CFAP99: variants seen among roughly 807,000 people sequenced by gnomAD.
The protein encoded by CFAP99 is cilia- and flagella-associated protein 99.
Under a neutral mutation model 82.7 loss-of-function variants are expected in CFAP99, and 84 were observed. The observed-to-expected ratio is 1.02, with a 90% CI of 0.85 to 1.22. CFAP99 has a LOEUF of 1.22. Among genes scored for constraint, CFAP99 ranks in the 50% most tolerant of loss-of-function variants. The pLI, the probability that CFAP99 is intolerant of heterozygous loss-of-function variation, is 0.00. For synonymous variants in CFAP99, 456 were observed against 429.5 expected (o/e 1.06, Z -0.76); for missense variants, 1,059 against 983.5 (o/e 1.08, Z -1.03).
chr4:2,437,948 T>C (rs1380121037), intron 3 of CFAP99, 122 bp from the exon 4 acceptor site: 2 of 602,308 alleles, frequency 3.3e-6, no homozygotes, highest in East Asian at 5.8e-5. Flanking sequence ...TGGGCACCAA[T>C]AGGGTGGGGG....
chr4:2,441,476 CCCAAAGCG>C (rs1307530288), intron 4 of CFAP99, among the ~76,000 whole-genome samples: 5 of 152,168 alleles, frequency 3.3e-5, no homozygotes, highest in African/African-American at 1.2e-4. Flanking sequence ...CCTGCAGAGC[CCCAAAGCG>C]CCAGCCCAGG....
intron 7 of CFAP99, 21 bp from the exon 8 acceptor site, chr4:2,449,913 G>T: frequency 6.5e-7 from 1 of 1,536,176 alleles, no homozygotes; most frequent in Non-Finnish European, 8.7e-7. Flanking sequence ...TGGGACTGGA[G>T]CCGCTGTGTC....
intron 6 of CFAP99, among the ~76,000 whole-genome samples, chr4:2,449,281 C>T (rs984689219): frequency 1.3e-5 from 2 of 152,086 alleles, no homozygotes; most frequent in Non-Finnish European, 2.9e-5. Flanking sequence ...ATTCTCCCAG[C>T]CTCTCCTGCC....
At chr4:2,429,476 G>A (rs188894076) in intron 2 of CFAP99, among the ~76,000 whole-genome samples, 130 of 152,318 alleles carry the variant, frequency 8.5e-4, no homozygotes, top group African/African-American at 2.9e-3. Flanking sequence ...AACTGGCAGC[G>A]GCAGACACAA....
chr4:2,437,942 CA>C (rs1733952101), intron 3 of CFAP99, 127 bp from the exon 4 acceptor site: 1 of 594,006 alleles, frequency 1.7e-6, no homozygotes, highest in Admixed American at 2.8e-5. Flanking sequence ...TTCAGGTGGG[CA>C]CCAATAGGGT....
intron 2 of CFAP99, among the ~76,000 whole-genome samples, chr4:2,434,824 T>C (rs1380650184): frequency 6.6e-6 from 1 of 152,230 alleles, no homozygotes; most frequent in Non-Finnish European, 1.5e-5. Context: ...CCTGTAGTTC[T>C]CAGGCCTCCA....
chr4:2,430,841 G>C (rs1030582042), intron 2 of CFAP99, among the ~76,000 whole-genome samples: 1 of 152,128 alleles, frequency 6.6e-6, no homozygotes, highest in Non-Finnish European at 1.5e-5. Flanking sequence ...GGGAGGCTGA[G>C]GTAGGAGGAT....
At chr4:2,450,901 A>C (rs1441367424) in intron 8 of CFAP99, 46 bp from the exon 9 acceptor site, 11 of 1,496,820 alleles carry the variant, frequency 7.3e-6, no homozygotes, top group Non-Finnish European at 9.9e-6. Flanking sequence ...GGGGGCACCC[A>C]GCAGGCACAG....
exon 7 of CFAP99, chr4:2,449,750 G>A (rs1005993098): frequency 2.0e-6 from 3 of 1,536,124 alleles, no homozygotes; most frequent in African/African-American, 2.7e-5. Context: ...GAAAGGCCGA[G>A]GTGAGCTGTG....
exon 6 of CFAP99, chr4:2,445,241 T>C: frequency 6.9e-7 from 1 of 1,449,506 alleles, no homozygotes; most frequent in Admixed American, 2.5e-5. Context: ...GAATTCAACC[T>C]GACTGCCCCC....
At chr4:2,433,928 C>T (rs953815702) in intron 2 of CFAP99, among the ~76,000 whole-genome samples, 16 of 152,190 alleles carry the variant, frequency 1.1e-4, no homozygotes, top group African/African-American at 1.9e-4. Flanking sequence ...TCACTGGCCA[C>T]GGTGAGGAAG....
At chr4:2,436,272 G>A (rs1460447301) in intron 2 of CFAP99, among the ~76,000 whole-genome samples, 2 of 152,018 alleles carry the variant, frequency 1.3e-5, no homozygotes, top group African/African-American at 2.4e-5. Context: ...CACTTGACAC[G>A]CCCTTGCAGA....
intron 11 of CFAP99, 34 bp downstream of exon 11, chr4:2,452,380 A>T (rs1190828471): frequency 2.0e-6 from 3 of 1,527,252 alleles, no homozygotes; most frequent in Non-Finnish European, 2.6e-6. Flanking sequence ...GGCATGGGGC[A>T]GCCAGCTGAA....
At chr4:2,431,898 AATC>A (rs1397012762) in intron 2 of CFAP99, among the ~76,000 whole-genome samples, 3 of 152,158 alleles carry the variant, frequency 2.0e-5, no homozygotes, top group African/African-American at 4.8e-5. Context: ...GTGTATTTAT[AATC>A]ATCGTTTCTC....
chr4:2,458,556 C>A (rs935711935), intron 11 of CFAP99, among the ~76,000 whole-genome samples, 167 bp from the exon 12 acceptor site: 8 of 152,202 alleles, frequency 5.3e-5, no homozygotes, highest in Non-Finnish European at 1.2e-4. Context: ...GGCCCAACTT[C>A]CAGAGCACCG....
intron 11 of CFAP99, among the ~76,000 whole-genome samples, chr4:2,454,594 G>GGTTTTTTTTTTTTTTTTTTTTTT (rs1560388808): frequency 2.4e-5 from 2 of 84,534 alleles, no homozygotes; most frequent in Non-Finnish European, 4.9e-5. Context: ...TTTTTTTTTT[G>GGTTTTTTTTTTTTTTTTTTTTTT]TTTTTTTTTT....
intron 6 of CFAP99, 22 bp from the exon 7 acceptor site, chr4:2,449,648 C>T: frequency 1.3e-6 from 2 of 1,535,668 alleles, no homozygotes; most frequent in Non-Finnish European, 1.7e-6. Context: ...ACCATAGGCT[C>T]TTCCTCCCAC....
chr4:2,425,817 C>G (rs1030069445), intron 1 of CFAP99, among the ~76,000 whole-genome samples: 1 of 152,130 alleles, frequency 6.6e-6, no homozygotes, highest in Non-Finnish European at 1.5e-5. Flanking sequence ...GGGAGGGGCT[C>G]TGGGCAAGCC....
At chr4:2,438,781 G>T (rs1733975164) in intron 4 of CFAP99, among the ~76,000 whole-genome samples, 2 of 152,020 alleles carry the variant, frequency 1.3e-5, no homozygotes, top group Admixed American at 6.5e-5. Context: ...AAAAAACAAA[G>T]AAACAACAAC....
Sources: allele counts gnomAD v4.1 joint callset (sites outside exome capture counted in the v4.1 genomes callset), GRCh38; gene constraint gnomAD v4.1.1; transcripts MANE v1.5; gene names NCBI Gene and HGNC (gene_info 2026-07-23, HGNC 2026-07-21).